BIRC6: variants seen among roughly 807,000 people sequenced by gnomAD.
BIRC6 encodes the protein baculoviral IAP repeat containing 6.
BIRC6 carries 98 observed loss-of-function variants against 503.3 expected under a neutral mutation model. The observed-to-expected ratio is 0.19, with a 90% confidence interval of 0.17 to 0.23. The LOEUF (loss-of-function observed/expected upper bound fraction) is 0.23, where lower values mean the gene tolerates loss of function less well. Among genes scored for constraint, BIRC6 ranks in the 10% least tolerant of loss-of-function variants. The probability of loss-of-function intolerance (pLI) is 1.00; values close to 1 mark genes in which losing one functional copy is unlikely to be tolerated. For synonymous variants in BIRC6, 2,240 were observed against 2,078.7 expected (o/e 1.08, Z -2.11); for missense variants, 5,360 against 5,806.0 (o/e 0.92, Z 2.50).
intron 37 of BIRC6, among the ~76,000 whole-genome samples, chr2:32,480,040 C>T (rs200254816): frequency 1.3e-5 from 2 of 151,978 alleles, no homozygotes; most frequent in African/African-American, 4.8e-5. Context: ...CATCTCCATA[C>T]CCCTTACTTT....
chr2:32,429,084 A>T, intron 10 of BIRC6, 62 bp from the exon 11 acceptor site: 2 of 1,366,494 alleles, frequency 1.5e-6, no homozygotes, highest in South Asian at 2.8e-5. Flanking sequence ...AAGTAGTATT[A>T]CATTTGAATA....
At chr2:32,617,589 T>C in intron 73 of BIRC6, 136 bp from the exon 74 acceptor site, 2 of 875,504 alleles carry the variant, frequency 2.3e-6, no homozygotes, top group Non-Finnish European at 3.3e-6. Flanking sequence ...CCTGTAACAG[T>C]AGCTTGCATA....
chr2:32,454,318 C>T (rs970858338), intron 23 of BIRC6, among the ~76,000 whole-genome samples: 1 of 152,066 alleles, frequency 6.6e-6, no homozygotes, highest in African/African-American at 2.4e-5. Flanking sequence ...AGAGGGAATA[C>T]TGTTTCTCGA....
At chr2:32,435,819 C>T (rs1466258093) in intron 14 of BIRC6, among the ~76,000 whole-genome samples, 3 of 152,238 alleles carry the variant, frequency 2.0e-5, no homozygotes, top group South Asian at 4.1e-4. Context: ...GAAATCAAGT[C>T]GTGGTTTATA....
chr2:32,465,376 G>C (rs2048436895), intron 26 of BIRC6, among the ~76,000 whole-genome samples: 3 of 151,116 alleles, frequency 2.0e-5, no homozygotes, highest in Non-Finnish European at 4.4e-5. Context: ...TTGAGTAATG[G>C]ATTTGATCTA....
chr2:32,471,798 C>A (rs943963613), intron 32 of BIRC6, among the ~76,000 whole-genome samples: 2 of 152,206 alleles, frequency 1.3e-5, no homozygotes, highest in East Asian at 3.9e-4. Context: ...CATATGCTTA[C>A]ATATGGCTTA....
rs1222621806 is a variant in BIRC6 at position 32,515,666 on chromosome 2, A to G, written c.11245A>G (p.Thr3749Ala). The change falls in exon 55 of 74, where the codon ACA (threonine) becomes GCA (alanine). Residue 3749 changes from threonine to alanine, a missense_variant. Thr to Ala is a moderately conservative substitution (Grantham distance 58). Transcript: ENST00000421745. ...AGCTTCTCTTTCTTCAGCTGCTACA[A>G]CAGGACTGACTACTCAACAGCGCAC... ...RSASLSSAATTGLTTQQRTAI... is the reference protein window; with the variant it reads ...RSASLSSAATAGLTTQQRTAI... 1.2e-6 allele frequency: 2 copies of G among 1,608,824 alleles called. No individual in the cohort carries two copies. Among genetic ancestry groups the G allele is most frequent in the Non-Finnish European group, 1.7e-6 (2 of 1,179,858 alleles).
chr2:32,503,567 ACCTGCCACCAC>A (rs1234489666), intron 49 of BIRC6, among the ~76,000 whole-genome samples: 2 of 151,644 alleles, frequency 1.3e-5, no homozygotes, highest in African/African-American at 2.4e-5. Flanking sequence ...GATTACAGGC[ACCTGCCACCAC>A]GCCTGGCTAA....
chr2:32,479,409 C>T (rs539237962), intron 36 of BIRC6, 53 bp from the exon 37 acceptor site: 70 of 1,500,430 alleles, frequency 4.7e-5, no homozygotes, highest in Admixed American at 3.2e-4. Context: ...TGCTGTAATA[C>T]ATTTTCGAAA....
chr2:32,369,619 G>C (rs1225456883), intron 1 of BIRC6, among the ~76,000 whole-genome samples: 1 of 151,510 alleles, frequency 6.6e-6, no homozygotes, highest in Non-Finnish European at 1.5e-5. Flanking sequence ...GTAGAGACAG[G>C]GTTTCACCTT....
rs2033285787 is a variant in BIRC6, at chr2:32,357,579, C to A, written c.325+93C>A. 2.0e-6 allele frequency: 3 copies of A among 1,494,260 alleles called. No individual in the cohort carries two copies. The highest frequency in any genetic ancestry group is 1.5e-5 in the African/African-American group (1 of 68,508). The allele number at this position is 1,494,260 out of a possible 1,614,324, so 92.6% of individuals were successfully genotyped here. On this transcript the variant is annotated intron_variant, in intron 1 of 73. Transcript: ENST00000421745. The surrounding 1 kb of genome is among the most constrained non-coding windows in gnomAD (Gnocchi z 4.9). ...CTCGCGACTCGGGGAAGCGAGATGG[C>A]GAGAGGGCAGGGCTGGGGGTTCGGG... is the stretch of plus-strand genomic sequence containing the variant.
intron 1 of BIRC6, among the ~76,000 whole-genome samples, chr2:32,368,654 GCC>G (rs1302787354): frequency 6.6e-6 from 1 of 151,856 alleles, no homozygotes; most frequent in African/African-American, 2.4e-5. Flanking sequence ...AGAGCTTCCC[GCC>G]CCTGTCCCCT....
At chr2:32,434,418 T>C (rs76713301) in intron 13 of BIRC6, among the ~76,000 whole-genome samples, 5,797 of 152,186 alleles carry the variant, frequency 0.038, 212 homozygotes, top group African/African-American at 0.095. Context: ...AAATTACATA[T>C]ACGCCTGGCA....
intron 35 of BIRC6, 47 bp downstream of exon 35, chr2:32,477,630 G>C: frequency 2.7e-6 from 4 of 1,461,854 alleles, no homozygotes; most frequent in Non-Finnish European, 3.8e-6. Context: ...CGGGCGCAGT[G>C]GCTCATGCCT....
intron 65 of BIRC6, among the ~76,000 whole-genome samples, chr2:32,573,488 G>A (rs763282514): frequency 9.2e-5 from 14 of 152,206 alleles, no homozygotes; most frequent in African/African-American, 1.7e-4. Flanking sequence ...GAGTCACCGC[G>A]CCCTGCCAGT....
chr2:32,461,343 AGTGTGTGTGTGTGTGT>A (rs373274536), intron 23 of BIRC6, among the ~76,000 whole-genome samples: 9 of 132,132 alleles, frequency 6.8e-5, no homozygotes, highest in South Asian at 5.2e-4. Flanking sequence ...ATGCCTGGCT[AGTGTGTGTGTGTGTGT>A]GTGTGTGTGT....
rs1288175883 is a variant in BIRC6, at chr2:32,464,771, C to A, written c.5204C>A (p.Pro1735His). 1 of 1,613,830 alleles carries A rather than the reference C, an allele frequency of 6.2e-7. No homozygotes were observed. The highest frequency in any genetic ancestry group is 8.5e-7 in the Non-Finnish European group (1 of 1,179,822). Residue 1735 changes from proline (P) to histidine (H), a missense_variant, in exon 25 of 74, where the codon CCC becomes CAC. Around this residue, in one of 16 missense-constraint regions of BIRC6, gnomAD observed 2,299 missense variants for 2,267.2 expected, o/e 1.01. Coordinates refer to ENST00000421745, the MANE Select transcript of BIRC6 (RefSeq NM_016252.4). Reference sequence around the variant, plus strand: ...CTTTTCCCAGGCTCAGTCATTGATCCCCCAGCAGTCAATCTTGCTGCACAT... The same window carrying A: ...CTTTTCCCAGGCTCAGTCATTGATCACCCAGCAGTCAATCTTGCTGCACAT... ...AQLFPGSVIDPPAVNLAAHNK... is the reference protein window; with the variant it reads ...AQLFPGSVIDHPAVNLAAHNK...
At chr2:32,509,400 G>T (rs980388310) in intron 51 of BIRC6, among the ~76,000 whole-genome samples, 1 of 151,912 alleles carries the variant, frequency 6.6e-6, no homozygotes, top group Admixed American at 6.6e-5. Flanking sequence ...GATTACAGGC[G>T]CCCACCACCA....
intron 61 of BIRC6, among the ~76,000 whole-genome samples, chr2:32,533,603 A>C (rs1243846299): frequency 6.6e-6 from 1 of 152,226 alleles, no homozygotes; most frequent in Non-Finnish European, 1.5e-5. Flanking sequence ...GAAACATCAA[A>C]AGTCAGAGTA....
Sources: allele counts gnomAD v4.1 joint callset (sites outside exome capture counted in the v4.1 genomes callset), GRCh38; gene constraint gnomAD v4.1.1; regional missense constraint gnomAD v4.1.1; non-coding constraint Gnocchi (gnomAD v3.1); transcripts MANE v1.5; gene names NCBI Gene and HGNC (gene_info 2026-07-23, HGNC 2026-07-21).